The following VSTM2B variants were observed in gnomAD, a reference collection of about 807,000 sequenced individuals.
VSTM2B encodes the protein V-set and transmembrane domain-containing protein 2B.
A neutral mutation model predicts 24.0 loss-of-function variants in VSTM2B; 24 were observed. That is an observed-to-expected ratio of 1.00 (90% confidence interval 0.72 to 1.40). VSTM2B has a LOEUF of 1.40. Ranked by LOEUF, VSTM2B falls within the 40% of genes most tolerant of loss-of-function variation. The pLI is 0.00. For synonymous variants in VSTM2B, 226 were observed against 194.4 expected (o/e 1.16, Z -1.35); for missense variants, 399 against 416.4 (o/e 0.96, Z 0.36).
chr19:29,526,982 C>T lies in VSTM2B; in HGVS notation c.83-229C>T, dbSNP rs915928157. 2.1e-5 allele frequency: 10 copies of T among 479,172 alleles called. No homozygotes were observed. The highest frequency in any genetic ancestry group is 3.3e-5 in the Non-Finnish European group (9 of 276,738). 29.7% of individuals were successfully genotyped at this position (479,172 alleles called of 1,614,324 possible). ...GGGGGAGAAGCACGAGTCGCCCCTGCCGCCCCGCCCCATCCGGAGGGAAGC... is the reference window on the plus strand; with the variant it reads ...GGGGGAGAAGCACGAGTCGCCCCTGTCGCCCCGCCCCATCCGGAGGGAAGC... On this transcript the variant is annotated intron_variant, in intron 1 of 4. Transcript: ENST00000335523. This position sits in a 1 kb window ranked among gnomAD's most constrained non-coding sequence, Gnocchi z 4.1.
chr19:29,525,900 G>A (rs1223120687), upstream of VSTM2B: 3 of 150,352 alleles, frequency 2.0e-5, no homozygotes, highest in Non-Finnish European at 4.5e-5. Context: ...GGCTGTGGCA[G>A]GAGAGGGGAG....
At chr19:29,548,945 C>A (rs1000690945) in intron 4 of VSTM2B, among the ~76,000 whole-genome samples, 1 of 152,188 alleles carries the variant, frequency 6.6e-6, no homozygotes, top group Admixed American at 6.5e-5. Context: ...TGGCAGCTCA[C>A]CCTGGGCCCA....
chr19:29,563,286 T>C (rs1467387957), intron 4 of VSTM2B, among the ~76,000 whole-genome samples: 1 of 150,888 alleles, frequency 6.6e-6, no homozygotes, highest in Admixed American at 6.6e-5. Flanking sequence ...AGAGTCTCAC[T>C]CTGTCTCCCA....
intron 4 of VSTM2B, among the ~76,000 whole-genome samples, chr19:29,546,460 G>A (rs553780163): frequency 2.1e-4 from 32 of 152,296 alleles, no homozygotes; most frequent in African/African-American, 7.0e-4. Context: ...ACCTATGAAC[G>A]GGAAAGTGGT....
chr19:29,555,892 G>A (rs1970394740), intron 4 of VSTM2B, among the ~76,000 whole-genome samples: 1 of 152,092 alleles, frequency 6.6e-6, no homozygotes, highest in African/African-American at 2.4e-5. Flanking sequence ...CCAGTAATAA[G>A]TTTTGAAATT....
intron 4 of VSTM2B, among the ~76,000 whole-genome samples, chr19:29,539,620 G>A (rs1969977852): frequency 6.6e-6 from 1 of 152,204 alleles, no homozygotes; most frequent in Non-Finnish European, 1.5e-5. Flanking sequence ...ACAGGCTCAG[G>A]ACATGTGCTG....
chr19:29,562,692 CAT>C (rs2057896476), intron 4 of VSTM2B, among the ~76,000 whole-genome samples: 1 of 152,222 alleles, frequency 6.6e-6, no homozygotes, highest in African/African-American at 2.4e-5. Flanking sequence ...TTGCTCCTCT[CAT>C]AACCCTGGAG....
chr19:29,552,655 G>A (rs1235288827), intron 4 of VSTM2B, among the ~76,000 whole-genome samples: 3 of 152,246 alleles, frequency 2.0e-5, no homozygotes, highest in African/African-American at 7.2e-5. Context: ...TAAGACTACT[G>A]AGTTCCGGGG....
intron 4 of VSTM2B, among the ~76,000 whole-genome samples, chr19:29,561,393 G>A (rs1353969784): frequency 6.6e-6 from 1 of 152,180 alleles, no homozygotes; most frequent in African/African-American, 2.4e-5. Context: ...GGAGGCCGAG[G>A]CAGGTGGATC....
intron 4 of VSTM2B, among the ~76,000 whole-genome samples, chr19:29,538,355 CA>C (rs1969942635): frequency 6.6e-6 from 1 of 152,150 alleles, no homozygotes; most frequent in Non-Finnish European, 1.5e-5. Flanking sequence ...TAGCTTAACA[CA>C]GGGCCTGGCA....
chr19:29,554,650 T>A (rs947181976), intron 4 of VSTM2B, among the ~76,000 whole-genome samples: 3 of 152,190 alleles, frequency 2.0e-5, no homozygotes, highest in African/African-American at 7.2e-5. Context: ...CAGGACCCAT[T>A]GGTGTGCTGT....
chr19:29,530,350 G>T (rs955661522), intron 4 of VSTM2B, 60 bp downstream of exon 4: 6 of 1,385,202 alleles, frequency 4.3e-6, no homozygotes, highest in Non-Finnish European at 5.6e-6. Context: ...GGGCTGCGCC[G>T]GGACGCCCCG....
chr19:29,526,693 T>A lies in VSTM2B; in HGVS notation c.82+28T>A, dbSNP rs1323026319. ...GAGCGCGGGAACTTTGCTGCCGCTG[T>A]GGACTCGGGGGGGTCTTTGCTGGGG... On this transcript the variant is annotated intron_variant, in intron 1 of 4. Transcript: ENST00000335523. This position sits in a 1 kb window ranked among gnomAD's most constrained non-coding sequence, Gnocchi z 4.1. The A allele has an allele frequency of 2.0e-6, 3 of 1,520,510 alleles. No homozygotes were observed. The Admixed American group carries it at 6.0e-5, about 30-fold the overall frequency. 94.2% of individuals were successfully genotyped at this position (1,520,510 alleles called of 1,614,324 possible).
chr19:29,540,409 C>G (rs941915099), intron 4 of VSTM2B, among the ~76,000 whole-genome samples: 1 of 152,210 alleles, frequency 6.6e-6, no homozygotes, highest in Non-Finnish European at 1.5e-5. Context: ...AAGGTGGGGC[C>G]AGGGTGGGCT....
chr19:29,543,461 C>A (rs757441744), intron 4 of VSTM2B, among the ~76,000 whole-genome samples: 2 of 152,204 alleles, frequency 1.3e-5, no homozygotes, highest in Non-Finnish European at 2.9e-5. Flanking sequence ...GAGGTGGAAC[C>A]CAAAGGCGGA....
intron 4 of VSTM2B, among the ~76,000 whole-genome samples, chr19:29,543,428 GAA>G (rs1970069618): frequency 6.6e-6 from 1 of 152,230 alleles, no homozygotes; most frequent in East Asian, 1.9e-4. Context: ...CTGTGAAACA[GAA>G]AGAAATATCC....
chr19:29,562,608 G>A (rs566857777), intron 4 of VSTM2B, among the ~76,000 whole-genome samples: 5 of 152,152 alleles, frequency 3.3e-5, no homozygotes, highest in African/African-American at 7.2e-5. Context: ...CATTCATGCC[G>A]CTGACTCTAA....
chr19:29,555,987 G>A (rs1442560217), intron 4 of VSTM2B, among the ~76,000 whole-genome samples: 1 of 151,980 alleles, frequency 6.6e-6, no homozygotes, highest in Non-Finnish European at 1.5e-5. Flanking sequence ...GTACAAAGAG[G>A]AGCTGTTACC....
chr19:29,525,851 G>T (rs1224997975), upstream of VSTM2B: 1 of 150,584 alleles, frequency 6.6e-6, no homozygotes, highest in Non-Finnish European at 1.5e-5. Flanking sequence ...AGCGACCCCC[G>T]AGGAGAGAGG....
Sources: gnomAD v4.1 joint callset for allele counts (sites outside exome capture counted in the v4.1 genomes callset) on GRCh38, gnomAD v4.1.1 for gene constraint, Gnocchi (gnomAD v3.1) non-coding constraint, MANE v1.5 for transcripts, NCBI Gene and HGNC (gene_info 2026-07-23, HGNC 2026-07-21) for gene names.